BICC1: variants seen among roughly 807,000 people sequenced by gnomAD.
BICC1 encodes BicC family RNA binding protein 1, also known as protein bicaudal C homolog 1.
A neutral mutation model predicts 111.0 loss-of-function variants in BICC1; 43 were observed. That is an observed-to-expected ratio of 0.39 (90% CI 0.30 to 0.50). The LOEUF (loss-of-function observed/expected upper bound fraction) is 0.50, where lower values mean the gene tolerates loss of function less well. Among genes scored for constraint, BICC1 ranks in the 20% least tolerant of loss-of-function variants. The pLI, the probability that BICC1 is intolerant of heterozygous loss-of-function variation, is 0.88. For synonymous variants in BICC1, 467 were observed against 434.4 expected (o/e 1.07, Z -0.93); for missense variants, 1,091 against 1,203.2 (o/e 0.91, Z 1.38).
chr10:58,581,192 T>A (rs1300503033), intron 1 of BICC1, among the ~76,000 whole-genome samples: 2 of 152,176 alleles, frequency 1.3e-5, no homozygotes, highest in Non-Finnish European at 2.9e-5. Flanking sequence ...TGCCTACTAC[T>A]CCTGAAGGAA....
chr10:58,813,903 G>A lies in BICC1; in HGVS notation c.2450G>A (p.Arg817Lys), dbSNP rs1379512341. The A allele has an allele frequency of 6.2e-7, 1 of 1,614,056 alleles. No homozygotes were observed. Among genetic ancestry groups the A allele is most frequent in the Non-Finnish European group, 8.5e-7 (1 of 1,179,924 alleles). ...LGGGSESDNWRDRNGIGPGSH... is the reference protein window; with the variant it reads ...LGGGSESDNWKDRNGIGPGSH... ...GGTGGAAGCGAATCTGATAACTGGAGAGACCGAAATGGAATTGGACCTGGA... is the reference window on the plus strand; with the variant it reads ...GGTGGAAGCGAATCTGATAACTGGAAAGACCGAAATGGAATTGGACCTGGA... Residue 817 changes from arginine to lysine, a missense_variant, in exon 18 of 21, where the codon AGA becomes AAA. Arg to Lys is a conservative substitution (Grantham distance 26). Coordinates refer to ENST00000373886, the MANE Select transcript of BICC1 (RefSeq NM_001080512.3).
chr10:58,543,812 G>GT lies in BICC1; in HGVS notation c.190+30490dup, dbSNP rs1211554936. Among the ~76,000 whole-genome samples, 102 of 103,282 alleles carry GT rather than the reference G, an allele frequency of 9.9e-4. No individual in the cohort carries two copies. In the Middle Eastern group the frequency reaches 0.017, roughly 17 times the overall value. 67.8% of individuals were successfully genotyped at this position (103,282 alleles called of 152,430 possible). A position where few individuals can be genotyped will look rare whatever the true frequency, so the allele number is the denominator to read the frequency against. ...GTGTGAACCACTATGCCTGGCCTATGTTTTTTTTTTTAACCATAATTAAAA... is the reference window on the plus strand; with the variant it reads ...GTGTGAACCACTATGCCTGGCCTATGTTTTTTTTTTTTAACCATAATTAAAA... On this transcript the variant is annotated intron_variant, in intron 1 of 20. Coordinates refer to ENST00000373886, the MANE Select transcript of BICC1 (RefSeq NM_001080512.3).
chr10:58,572,538 A>G (rs1843990661), intron 1 of BICC1, among the ~76,000 whole-genome samples: 1 of 152,120 alleles, frequency 6.6e-6, no homozygotes, highest in Admixed American at 6.6e-5. Flanking sequence ...CATTATTTTC[A>G]TGGGGATTTC....
In BICC1 at chr10:58,817,647, C is replaced by G; in HGVS notation, c.2619C>G (p.Phe873Leu). 1.2e-6 allele frequency: 2 copies of G among 1,613,510 alleles called. No homozygotes were observed. Among genetic ancestry groups the G allele is most frequent in the Non-Finnish European group, 1.7e-6 (2 of 1,179,626 alleles). ...ATGGCTGTAACTTAAATAGCTCTTT[C>G]AAAGGTTCTGACCTCCCTGAGCTCT... is the stretch of plus-strand genomic sequence containing the variant. ...GSNGCNLNSS[F>L]KGSDLPELFS... The change falls in exon 19 of 21, where the codon TTC becomes TTG. Residue 873 changes from phenylalanine to leucine, a missense_variant. By Grantham distance (22) the Phe-to-Leu change is conservative (BLOSUM62 0). Coordinates refer to ENST00000373886, the MANE Select transcript of BICC1 (RefSeq NM_001080512.3).
At chr10:58,802,219 G>C (rs1843568760) in intron 14 of BICC1, among the ~76,000 whole-genome samples, 2 of 152,162 alleles carry the variant, frequency 1.3e-5, no homozygotes, top group South Asian at 4.1e-4. Flanking sequence ...ACTTGCAGAT[G>C]CTCTTAAGTT....
intron 2 of BICC1, among the ~76,000 whole-genome samples, chr10:58,698,501 C>G (rs1305448125): frequency 1.3e-5 from 2 of 152,128 alleles, no homozygotes; most frequent in Admixed American, 1.3e-4. Flanking sequence ...TCCTTGACTA[C>G]CCACGACCGG....
intron 2 of BICC1, among the ~76,000 whole-genome samples, chr10:58,699,261 T>G (rs1335694089): frequency 6.6e-6 from 1 of 152,234 alleles, no homozygotes; most frequent in Non-Finnish European, 1.5e-5. Flanking sequence ...AGTGTTGATG[T>G]GAGTAGGTTG....
At chr10:58,793,648 T>TA in intron 9 of BICC1, 33 bp downstream of exon 9, 1 of 1,606,360 alleles carries the variant, frequency 6.2e-7, no homozygotes, top group Non-Finnish European at 8.5e-7. Flanking sequence ...GAGAATTATG[T>TA]ATCATATCAT....
In BICC1 at chr10:58,830,771, G is replaced by C. The variant is rs192379785; in HGVS notation, c.*1880G>C. On this transcript the variant is annotated 3_prime_UTR_variant, in exon 21 of 21. Transcript: ENST00000373886. Reference sequence around the variant, plus strand: ...CTGAATCACTCCCTTTACTCATCCTGTGCATATGTGTACAAATGGTCATGT... The same window carrying C: ...CTGAATCACTCCCTTTACTCATCCTCTGCATATGTGTACAAATGGTCATGT... 1 of 152,258 alleles carries C rather than the reference G, an allele frequency of 6.6e-6. No individual in the cohort carries two copies. 9.4% of individuals were successfully genotyped at this position (152,258 alleles called of 1,614,324 possible).
At chr10:58,551,830 C>T (rs984085419) in intron 1 of BICC1, among the ~76,000 whole-genome samples, 7 of 151,972 alleles carry the variant, frequency 4.6e-5, no homozygotes, top group Admixed American at 1.3e-4. Context: ...TTTTAAGTTG[C>T]TAAGTTTGTA....
chr10:58,639,718 A>AT (rs1838065345), intron 2 of BICC1, among the ~76,000 whole-genome samples: 3 of 63,268 alleles, frequency 4.7e-5, no homozygotes, highest in East Asian at 4.4e-4. Flanking sequence ...TGCCCGGCCA[A>AT]ATTTTTTTTT....
intron 1 of BICC1, among the ~76,000 whole-genome samples, chr10:58,559,296 C>G (rs546556881): frequency 1.4e-4 from 21 of 151,176 alleles, no homozygotes; most frequent in Non-Finnish European, 2.8e-4. Context: ...TGGTAGCATG[C>G]TTACTCACTT....
At position 58,792,679 on chromosome 10, in the gene BICC1, AC is replaced by A. The variant is rs1204782274; in HGVS notation, c.1048-803del. ...TGATGATCTGTCACTGTCTCCCATC[AC>A]CTCCAGATGGGACCGTCTAGTTGCA... On this transcript the variant is annotated intron_variant, in intron 8 of 20. Transcript: ENST00000373886. Among the ~76,000 whole-genome samples, 5 of 152,122 alleles carry A rather than the reference AC, an allele frequency of 3.3e-5. No individual in the cohort carries two copies. In the East Asian group the frequency reaches 9.7e-4, roughly 29 times the overall value.
Position 58,799,222 on chromosome 10 carries a change from A to T in BICC1, c.1695A>T (p.Lys565Asn), listed in dbSNP as rs138338339. Residue 565 changes from lysine (K) to asparagine (N), a missense_variant, in exon 12 of 21, where the codon AAA (lysine) becomes AAT (asparagine). Physicochemically the swap from Lys to Asn is moderately conservative, Grantham distance 94. Coordinates refer to ENST00000373886, the MANE Select transcript of BICC1 (RefSeq NM_001080512.3). Reference sequence around the variant, plus strand: ...ACAGTATGCAGACCGAAGGCAAAAAAATCTCTGCTGCTTTAAATGGACATG... The same window carrying T: ...ACAGTATGCAGACCGAAGGCAAAAATATCTCTGCTGCTTTAAATGGACATG... ...HINSMQTEGK[K>N]ISAALNGHAQ... is the part of the protein sequence containing the mutation. 6.2e-7 allele frequency: 1 copy of T among 1,610,778 alleles called. No individual in the cohort carries two copies. Among genetic ancestry groups the T allele is most frequent in the Non-Finnish European group, 8.5e-7 (1 of 1,178,238 alleles).
intron 17 of BICC1, among the ~76,000 whole-genome samples, chr10:58,808,342 C>T (rs1843779729): frequency 6.6e-6 from 1 of 152,158 alleles, no homozygotes; most frequent in Admixed American, 6.5e-5. Context: ...AACTGCTGTG[C>T]TCATTCTTAG....
At chr10:58,739,231 C>G (rs900032201) in intron 3 of BICC1, among the ~76,000 whole-genome samples, 2 of 152,078 alleles carry the variant, frequency 1.3e-5, no homozygotes, top group Admixed American at 1.3e-4. Context: ...TCATAGATAG[C>G]TCTTATTATT....
At chr10:58,599,991 A>G (rs1188750573) in intron 1 of BICC1, among the ~76,000 whole-genome samples, 4 of 151,324 alleles carry the variant, frequency 2.6e-5, no homozygotes, top group Non-Finnish European at 4.4e-5. Flanking sequence ...TCTGTGATTC[A>G]TTACTTTTTG....
intron 9 of BICC1, among the ~76,000 whole-genome samples, chr10:58,795,597 A>G (rs1296289712): frequency 6.6e-6 from 1 of 152,060 alleles, no homozygotes; most frequent in Admixed American, 6.6e-5. Context: ...CCATTTAATT[A>G]TGCCCAGCTG....
At chr10:58,703,560 G>C (rs1840302585) in intron 3 of BICC1, among the ~76,000 whole-genome samples, 1 of 152,102 alleles carries the variant, frequency 6.6e-6, no homozygotes, top group Non-Finnish European at 1.5e-5. Context: ...GTGCAATTCT[G>C]TATCTTTGTA....
Sources: allele counts gnomAD v4.1 joint callset (sites outside exome capture counted in the v4.1 genomes callset), GRCh38; gene constraint gnomAD v4.1.1; transcripts MANE v1.5; gene names NCBI Gene and HGNC (gene_info 2026-07-23, HGNC 2026-07-21).